PCDHA10: variants seen among roughly 807,000 people sequenced by gnomAD.
The protein encoded by PCDHA10 is protocadherin alpha-10.
A neutral mutation model predicts 61.2 loss-of-function variants in PCDHA10; 45 were observed. The ratio of observed to expected loss-of-function variants is 0.74; its 90% CI spans 0.58 to 0.94. PCDHA10 has a LOEUF of 0.94. PCDHA10 is among the 40% of genes least tolerant of loss of function. The pLI is 0.00. For missense variants in PCDHA10, 1,278 were observed against 1,236.2 expected, an observed-to-expected ratio of 1.03 and a Z score of -0.51; for synonymous variants, 602 against 548.8, an observed-to-expected ratio of 1.10 and a Z score of -1.35.
chr5:140,944,623 T>A (rs535315515), intron 1 of PCDHA10, among the ~76,000 whole-genome samples: 62 of 152,320 alleles, frequency 4.1e-4, no homozygotes, highest in Non-Finnish European at 7.3e-4. Context: ...AGAAGTATAG[T>A]GTTGTAAGCC....
At chr5:141,008,367 G>A (rs2098373101) in intron 3 of PCDHA10, among the ~76,000 whole-genome samples, 1 of 152,144 alleles carries the variant, frequency 6.6e-6, no homozygotes, top group African/African-American at 2.4e-5. Flanking sequence ...AAGGAGCAGT[G>A]TTAGATACAT....
At chr5:140,966,208 T>G (rs993246205) in intron 1 of PCDHA10, 2 of 231,366 alleles carry the variant, frequency 8.6e-6, no homozygotes, top group Admixed American at 1.1e-4. Flanking sequence ...TTGACTGCTT[T>G]TCCCAGACTA....
rs760426957 is a variant in PCDHA10, at chr5:141,009,783, G to A, written c.2693G>A (p.Arg898Gln). 2.5e-6 allele frequency: 4 copies of A among 1,613,880 alleles called. No individual in the cohort carries two copies. Among genetic ancestry groups the A allele is most frequent in the Admixed American group, 3.3e-5 (2 of 59,976 alleles). Reference protein sequence around the residue: ...IPGSPAIISIRQEPTNSQIDK... With the variant: ...IPGSPAIISIQQEPTNSQIDK... ...GGATCTCCTGCAATCATCTCCATCC[G>A]GCAGGAGCCTACTAACAGCCAAATT... is the stretch of plus-strand genomic sequence containing the variant. Residue 898 changes from arginine (R) to glutamine (Q), a missense_variant, in exon 4 of 4, where the codon CGG becomes CAG. Transcript: ENST00000307360.
At chr5:140,866,033 A>T (rs934159305) in intron 1 of PCDHA10, 9 of 152,168 alleles carry the variant, frequency 5.9e-5, no homozygotes, top group African/African-American at 2.2e-4. Flanking sequence ...GTTCGTGATC[A>T]TCATTATCAT....
intron 3 of PCDHA10, among the ~76,000 whole-genome samples, chr5:140,997,668 T>G (rs2097778117): frequency 6.7e-6 from 1 of 148,344 alleles, no homozygotes; most frequent in African/African-American, 2.5e-5. Flanking sequence ...ATTATACAGC[T>G]TGTGTGTGTG....
intron 1 of PCDHA10, among the ~76,000 whole-genome samples, chr5:140,935,985 C>T (rs155825): frequency 0.32 from 47,782 of 150,880 alleles, 7,901 homozygotes; most frequent in East Asian, 0.53. Context: ...CTCTGCCTCC[C>T]GGGTTCAAGC....
intron 1 of PCDHA10, among the ~76,000 whole-genome samples, chr5:140,891,410 A>T: frequency 7.7e-6 from 1 of 130,320 alleles, no homozygotes; most frequent in East Asian, 2.5e-4. Context: ...GCCACCCCCC[A>T]CTCTTGCCCC....
chr5:140,872,667 A>G (rs2053828539), intron 1 of PCDHA10, among the ~76,000 whole-genome samples: 1 of 152,186 alleles, frequency 6.6e-6, no homozygotes, highest in African/African-American at 2.4e-5. Flanking sequence ...CAACTATTGG[A>G]TACTCAAACA....
chr5:140,867,560 C>A (rs1352328708), intron 1 of PCDHA10: 1 of 152,070 alleles, frequency 6.6e-6, no homozygotes, highest in African/African-American at 2.4e-5. Context: ...CATATGATAA[C>A]TTTTTCATAT....
chr5:140,887,787 C>T (rs782343895), intron 1 of PCDHA10, among the ~76,000 whole-genome samples: 8 of 152,080 alleles, frequency 5.3e-5, no homozygotes, highest in African/African-American at 9.7e-5. Flanking sequence ...GTCATTGAAG[C>T]GTTCTTTATT....
intron 1 of PCDHA10, among the ~76,000 whole-genome samples, chr5:140,965,730 C>T (rs1554227819): frequency 6.6e-6 from 1 of 152,166 alleles, no homozygotes; most frequent in East Asian, 1.9e-4. Flanking sequence ...AAAAATTTTA[C>T]CAGATTTTCC....
chr5:140,869,793 C>A (rs782122541), intron 1 of PCDHA10: 44 of 1,612,682 alleles, frequency 2.7e-5, no homozygotes, highest in Non-Finnish European at 3.7e-5. Context: ...GGCTGTTAGT[C>A]CAAGTCTTGG....
chr5:140,875,192 C>A, intron 1 of PCDHA10: 2 of 509,100 alleles, frequency 3.9e-6, no homozygotes, highest in Non-Finnish European at 6.3e-6. Context: ...AAGAGTGACC[C>A]AGGAAGTGGC....
chr5:140,946,648 C>A (rs1195536248), intron 1 of PCDHA10, among the ~76,000 whole-genome samples: 2 of 99,274 alleles, frequency 2.0e-5, no homozygotes, highest in African/African-American at 1.2e-4. Flanking sequence ...GAATACTCAT[C>A]AGCCATTAGA....
At chr5:140,941,099 TATTACTGG>T (rs1174229664) in intron 1 of PCDHA10, among the ~76,000 whole-genome samples, 5 of 152,146 alleles carry the variant, frequency 3.3e-5, no homozygotes, top group Non-Finnish European at 1.5e-5. Context: ...TTTCACATAC[TATTACTGG>T]AAAGATTAGT....
In PCDHA10 at chr5:141,010,640, G is replaced by A. The variant is rs2098417874; in HGVS notation, c.*703G>A. The A allele has an allele frequency of 5.6e-6, 1 of 179,322 alleles. No homozygotes were observed. Among genetic ancestry groups the A allele is most frequent in the South Asian group, 1.4e-4 (1 of 7,048 alleles). 11.1% of individuals were successfully genotyped at this position (179,322 alleles called of 1,614,324 possible). A position where few individuals can be genotyped will look rare whatever the true frequency, so the allele number is the denominator to read the frequency against. On this transcript the variant is annotated 3_prime_UTR_variant, in exon 4 of 4. Transcript: ENST00000307360. ...TCTGCATCATACCTGCAAGCCAACA[G>A]TTCAGTGTTTTAACAGAGAACCACC...
At chr5:140,925,941 G>A (rs1311329302) in intron 1 of PCDHA10, among the ~76,000 whole-genome samples, 2 of 138,504 alleles carry the variant, frequency 1.4e-5, no homozygotes, top group South Asian at 2.1e-4. Flanking sequence ...GAGCCTCTTG[G>A]AGAAGGAGAA....
intron 1 of PCDHA10, among the ~76,000 whole-genome samples, chr5:140,933,883 T>C (rs376864592): frequency 1.3e-5 from 2 of 152,084 alleles, no homozygotes; most frequent in East Asian, 1.9e-4. Context: ...GTTTTATCTG[T>C]ACTTTTGAAT....
intron 1 of PCDHA10, chr5:140,875,367 T>C (rs937879067): frequency 6.9e-7 from 1 of 1,449,048 alleles, no homozygotes; most frequent in Non-Finnish European, 9.1e-7. Context: ...CTGGAAAAAA[T>C]TTACTAAATA....
Sources: allele counts gnomAD v4.1 joint callset (sites outside exome capture counted in the v4.1 genomes callset), GRCh38; gene constraint gnomAD v4.1.1; transcripts MANE v1.5; gene names NCBI Gene and HGNC (gene_info 2026-07-23, HGNC 2026-07-21).